The following EYA2 variants were observed in gnomAD, a reference collection of about 807,000 sequenced individuals.
EYA2 encodes the protein protein phosphatase EYA2.
EYA2 carries 31 observed loss-of-function variants against 69.2 expected under a neutral mutation model. That is an observed-to-expected ratio of 0.45 (90% CI 0.34 to 0.60). The LOEUF is 0.60. Among genes scored for constraint, EYA2 ranks in the 20% least tolerant of loss-of-function variants. The pLI is 0.02. For synonymous variants in EYA2, 257 were observed against 279.4 expected (o/e 0.92, Z 0.80); for missense variants, 622 against 701.2 (o/e 0.89, Z 1.28).
chr20:46,973,872 T>A (rs1002274524), intron 1 of EYA2, among the ~76,000 whole-genome samples: 4 of 152,048 alleles, frequency 2.6e-5, no homozygotes, highest in Non-Finnish European at 5.9e-5. Flanking sequence ...AAAACATTTT[T>A]AAAAAAACTC....
chr20:46,940,070 A>G (rs1282125316), intron 1 of EYA2, among the ~76,000 whole-genome samples: 2 of 152,218 alleles, frequency 1.3e-5, no homozygotes, highest in Non-Finnish European at 2.9e-5. Flanking sequence ...CACAAGAAAT[A>G]TAATAGGCCT....
intron 9 of EYA2, among the ~76,000 whole-genome samples, chr20:47,126,103 ACAAGGCCCC>A (rs1157888720): frequency 1.3e-5 from 2 of 152,230 alleles, no homozygotes; most frequent in African/African-American, 2.4e-5. Flanking sequence ...GCAAGCCCAG[ACAAGGCCCC>A]CAAGGAGACA....
intron 5 of EYA2, among the ~76,000 whole-genome samples, chr20:47,055,047 C>T (rs1305272876): frequency 1.3e-5 from 2 of 152,160 alleles, no homozygotes; most frequent in Non-Finnish European, 2.9e-5. Flanking sequence ...CAGCTCCAGC[C>T]TCTTTACCAT....
intron 1 of EYA2, among the ~76,000 whole-genome samples, chr20:46,912,687 A>ATTTT (rs11473019): frequency 0.19 from 27,602 of 145,520 alleles, 3,015 homozygotes; most frequent in Non-Finnish European, 0.24. Context: ...GGAATTTTTA[A>ATTTT]TTTTTTTTTT....
intron 1 of EYA2, among the ~76,000 whole-genome samples, chr20:46,987,964 C>CTCTATATATA (rs1555809797): frequency 1.8e-4 from 2 of 11,280 alleles, no homozygotes; most frequent in African/African-American, 2.8e-4. Context: ...CTCTCTCTCT[C>CTCTATATATA]TATATATATA....
intron 1 of EYA2, among the ~76,000 whole-genome samples, chr20:46,982,230 G>A (rs560203248): frequency 2.1e-4 from 32 of 152,222 alleles, no homozygotes; most frequent in African/African-American, 7.0e-4. Context: ...TCATTTTGAA[G>A]TATTTTTTTG....
chr20:47,169,078 C>T, intron 10 of EYA2, 61 bp from the exon 11 acceptor site: 1 of 1,513,970 alleles, frequency 6.6e-7, no homozygotes, highest in Non-Finnish European at 9.1e-7. Flanking sequence ...CCCTTGAAGG[C>T]TACATCAGAT....
intron 7 of EYA2, among the ~76,000 whole-genome samples, chr20:47,082,120 G>T (rs896207555): frequency 6.6e-6 from 1 of 152,028 alleles, no homozygotes; most frequent in African/African-American, 2.4e-5. Flanking sequence ...GATTACAAGC[G>T]TGAGCCACTG....
In EYA2 at chr20:47,082,088, C is replaced by T. The variant is rs772137465; in HGVS notation, c.662-7151C>T. Among the ~76,000 whole-genome samples the T allele has an allele frequency of 4.0e-4, 61 of 152,134 alleles. 1 individual carries two copies. Among genetic ancestry groups the T allele is most frequent in the Non-Finnish European group, 7.6e-4 (52 of 67,994 alleles). On this transcript the variant is annotated intron_variant, in intron 7 of 15. Coordinates refer to ENST00000327619, the MANE Select transcript of EYA2 (RefSeq NM_005244.5). The stretch of plus-strand genomic sequence containing the variant: ...CTCCTGACCTCAGGTGATCCACCTG[C>T]CTCAGCCTCGCAAAGTGCTGGGATT...
rs527937706 is a variant in EYA2 at position 46,920,243 on chromosome 20, A to AAC, written c.-11+25257_-11+25258insCA. On this transcript the variant is annotated intron_variant, in intron 1 of 15. Transcript: ENST00000327619. The stretch of plus-strand genomic sequence containing the variant: ...AAAACTTTAATTTGTTTAAAAAAAA[A>AAC]AACAGTATCTGCAAAGTACAATAAA... Among the ~76,000 whole-genome samples, 31 of 151,786 alleles carry AAC rather than the reference A, an allele frequency of 2.0e-4. No homozygotes were observed. The East Asian group carries it at 2.7e-3, about 13-fold the overall frequency.
Position 47,143,120 on chromosome 20 carries a change from A to G in EYA2, c.950A>G (p.Asp317Gly). The G allele has an allele frequency of 6.2e-7, 1 of 1,613,710 alleles. No individual in the cohort carries two copies. Among genetic ancestry groups the G allele is most frequent in the Non-Finnish European group, 8.5e-7 (1 of 1,179,836 alleles). Residue 317 changes from aspartate to glycine, a missense_variant, in exon 10 of 16, where the codon GAT becomes GGT. Physicochemically the swap from Asp to Gly is moderately conservative, Grantham distance 94. Around this residue, in one of 2 missense-constraint regions of EYA2, gnomAD observed 257 missense variants for 351.5 expected, o/e 0.73. Coordinates refer to ENST00000327619, the MANE Select transcript of EYA2 (RefSeq NM_005244.5). ...GAAGAGATGATCTTCAACCTTGCAGATACACATCTGTTCTTCAATGACCTG... is the reference window on the plus strand; with the variant it reads ...GAAGAGATGATCTTCAACCTTGCAGGTACACATCTGTTCTTCAATGACCTG... ...MMEEMIFNLA[D>G]THLFFNDLED...
rs148748677 is a variant in EYA2, at chr20:46,964,798, C to T, written c.-10-25203C>T. Among the ~76,000 whole-genome samples, 492 of 152,284 alleles carry T rather than the reference C, an allele frequency of 3.2e-3. 5 individuals are homozygous for T. The highest frequency in any genetic ancestry group is 0.011 in the African/African-American group (439 of 41,542). On this transcript the variant is annotated intron_variant, in intron 1 of 15. Transcript: ENST00000327619. ...CAAGCTGTGTAGCTGGCACTCCAGC[C>T]GGGCAGTGCGGCTCTAGAGTCTGTG...
chr20:47,175,210 T>C (rs996926218), intron 12 of EYA2, among the ~76,000 whole-genome samples: 1 of 152,214 alleles, frequency 6.6e-6, no homozygotes, highest in African/African-American at 2.4e-5. Flanking sequence ...GCCAGGTGCA[T>C]GGCCGTGGCT....
rs80098305 is a variant in EYA2 at position 46,899,945 on chromosome 20, C to T, written c.-11+4958C>T. Among the ~76,000 whole-genome samples, 32 of 152,212 alleles carry T rather than the reference C, an allele frequency of 2.1e-4. No homozygotes were observed. The East Asian group carries it at 4.4e-3, about 21-fold the overall frequency. On this transcript the variant is annotated intron_variant, in intron 1 of 15. Coordinates refer to ENST00000327619, the MANE Select transcript of EYA2 (RefSeq NM_005244.5). ...GAAATCTAAAACAGGAACTTAGACG[C>T]GCCGCAATGCCAATTTAAACATCTT...
chr20:47,136,912 A>G (rs1345304137), intron 9 of EYA2, among the ~76,000 whole-genome samples: 3 of 152,144 alleles, frequency 2.0e-5, no homozygotes, highest in Admixed American at 6.5e-5. Context: ...CTGAACCCGG[A>G]GAAATCTGTA....
chr20:47,122,135 GC>G (rs1242937654), intron 9 of EYA2, among the ~76,000 whole-genome samples: 2 of 152,134 alleles, frequency 1.3e-5, no homozygotes, highest in Admixed American at 6.5e-5. Context: ...GGCTGCAGCT[GC>G]CCAGAAACCA....
At chr20:47,016,416 C>T (rs1261677050) in intron 5 of EYA2, 119 bp downstream of exon 5, 4 of 736,000 alleles carry the variant, frequency 5.4e-6, no homozygotes, top group Non-Finnish European at 9.6e-6. Context: ...GGCTCTATCT[C>T]GAGGAGTGGA....
chr20:46,955,285 C>T (rs2146280546), intron 1 of EYA2, among the ~76,000 whole-genome samples: 1 of 152,290 alleles, frequency 6.6e-6, no homozygotes, highest in East Asian at 1.9e-4. Context: ...GCGTGAGCCA[C>T]CAGGCCCACC....
At chr20:47,046,579 T>C (rs2030048674) in intron 5 of EYA2, among the ~76,000 whole-genome samples, 1 of 152,112 alleles carries the variant, frequency 6.6e-6, no homozygotes, top group South Asian at 2.1e-4. Context: ...GAGTGAGCTT[T>C]GATGGGAGGC....
Sources: allele counts gnomAD v4.1 joint callset (sites outside exome capture counted in the v4.1 genomes callset), GRCh38; gene constraint gnomAD v4.1.1; regional missense constraint gnomAD v4.1.1; transcripts MANE v1.5; gene names NCBI Gene and HGNC (gene_info 2026-07-23, HGNC 2026-07-21).